The following PRKCA variants were observed in gnomAD, a reference collection of about 807,000 sequenced individuals.
PRKCA encodes the protein protein kinase C alpha.
PRKCA carries 27 observed loss-of-function variants against 87.0 expected under a neutral mutation model. The ratio of observed to expected loss-of-function variants is 0.31; its 90% CI spans 0.23 to 0.43. The LOEUF (loss-of-function observed/expected upper bound fraction) is 0.43, where lower values mean the gene tolerates loss of function less well. Ranked by LOEUF, PRKCA falls within the 20% of genes least tolerant of loss-of-function variation. The probability of loss-of-function intolerance (pLI) is 1.00; values close to 1 mark genes in which losing one functional copy is unlikely to be tolerated. For synonymous variants in PRKCA, 329 were observed against 311.1 expected, an observed-to-expected ratio of 1.06 and a Z score of -0.61; for missense variants, 518 against 852.3, an observed-to-expected ratio of 0.61 and a Z score of 4.88.
chr17:66,608,250 C>T (rs1970265274), intron 3 of PRKCA, among the ~76,000 whole-genome samples: 1 of 152,060 alleles, frequency 6.6e-6, no homozygotes, highest in Non-Finnish European at 1.5e-5. Context: ...TCCCACTTAC[C>T]TAATCATCAC....
chr17:66,639,108 C>T (rs1971222558), intron 3 of PRKCA, among the ~76,000 whole-genome samples: 1 of 152,230 alleles, frequency 6.6e-6, no homozygotes, highest in Admixed American at 6.5e-5. Context: ...TCCCCAAACC[C>T]TGATCTTCTA....
At chr17:66,738,423 C>T (rs1598908284) in intron 10 of PRKCA, among the ~76,000 whole-genome samples, 2 of 152,262 alleles carry the variant, frequency 1.3e-5, no homozygotes, top group South Asian at 4.1e-4. Context: ...ATGTGGATTC[C>T]TCACACCATC....
At chr17:66,423,323 C>G (rs1912597556) in intron 2 of PRKCA, among the ~76,000 whole-genome samples, 1 of 152,070 alleles carries the variant, frequency 6.6e-6, no homozygotes, top group African/African-American at 2.4e-5. Context: ...TTTTATGCAC[C>G]ATAGTGAAAA....
intron 3 of PRKCA, among the ~76,000 whole-genome samples, chr17:66,562,091 ATATATATAATTAAAT>A (rs1797837819): frequency 9.9e-6 from 1 of 101,300 alleles, no homozygotes; most frequent in Admixed American, 9.9e-5. Context: ...ATATAATTAA[ATATATATAATTAAAT>A]TATATATATA....
chr17:66,510,724 T>G (rs1206958260), intron 3 of PRKCA, among the ~76,000 whole-genome samples: 2 of 152,116 alleles, frequency 1.3e-5, no homozygotes, highest in East Asian at 3.8e-4. Flanking sequence ...GAGATTGCTG[T>G]AGGAAAGTAT....
chr17:66,635,038 A>G (rs572286567), intron 3 of PRKCA, among the ~76,000 whole-genome samples: 4 of 152,318 alleles, frequency 2.6e-5, no homozygotes, highest in African/African-American at 7.2e-5. Flanking sequence ...TGACATCTGG[A>G]GAGACTTCCT....
intron 2 of PRKCA, among the ~76,000 whole-genome samples, chr17:66,474,617 T>C (rs1031520018): frequency 6.6e-6 from 1 of 152,226 alleles, no homozygotes; most frequent in African/African-American, 2.4e-5. Flanking sequence ...GCTGCAGATA[T>C]TGCACTTGCC....
intron 2 of PRKCA, among the ~76,000 whole-genome samples, chr17:66,311,143 T>G (rs1414300842): frequency 6.6e-6 from 1 of 152,184 alleles, no homozygotes; most frequent in Non-Finnish European, 1.5e-5. Flanking sequence ...TTATGTTAAT[T>G]AGAGATAAAC....
rs1385010854 is a variant in PRKCA at position 66,808,961 on chromosome 17, G to T, written c.*4924G>T. ...CCTGACCTCATGATCTGCCTGCCTCGGCCTCCCAAAGTGCTGGGATTACAG... is the reference window on the plus strand; with the variant it reads ...CCTGACCTCATGATCTGCCTGCCTCTGCCTCCCAAAGTGCTGGGATTACAG... On this transcript the variant is annotated 3_prime_UTR_variant, in exon 17 of 17. Coordinates refer to ENST00000413366, the MANE Select transcript of PRKCA (RefSeq NM_002737.3). The T allele has an allele frequency of 6.6e-6, 1 of 152,108 alleles. No individual in the cohort carries two copies. The highest frequency in any genetic ancestry group is 1.9e-4 in the East Asian group (1 of 5,186). 9.4% of individuals were successfully genotyped at this position (152,108 alleles called of 1,614,324 possible). A position where few individuals can be genotyped will look rare whatever the true frequency, so the allele number is the denominator to read the frequency against.
chr17:66,509,094 G>C (rs1269968404), intron 3 of PRKCA, among the ~76,000 whole-genome samples: 2 of 152,086 alleles, frequency 1.3e-5, no homozygotes, highest in Non-Finnish European at 2.9e-5. Context: ...GTGTTTCCCA[G>C]TGTTTCATTG....
In PRKCA at chr17:66,362,942, C is replaced by T. The variant is rs112204622; in HGVS notation, c.205+56815C>T. 2.8e-3 allele frequency among the ~76,000 whole-genome samples: 421 copies of T among 152,302 alleles called. 3 individuals are homozygous for T. Among genetic ancestry groups the T allele is most frequent in the African/African-American group, 9.6e-3 (397 of 41,566 alleles). The stretch of plus-strand genomic sequence containing the variant: ...CTCCTGGCCTCAGGGGATCCACCCG[C>T]CTCAGCCTCCCGAAGTGTTGAGATT... On this transcript the variant is annotated intron_variant, in intron 2 of 16. Coordinates refer to ENST00000413366, the MANE Select transcript of PRKCA (RefSeq NM_002737.3).
At chr17:66,720,193 G>T (rs758120544) in intron 8 of PRKCA, among the ~76,000 whole-genome samples, 1 of 152,234 alleles carries the variant, frequency 6.6e-6, no homozygotes, top group Non-Finnish European at 1.5e-5. Flanking sequence ...GAGCCTCGGG[G>T]CTAAAGCATC....
intron 3 of PRKCA, among the ~76,000 whole-genome samples, chr17:66,512,671 A>G (rs1490671846): frequency 6.6e-6 from 1 of 152,090 alleles, no homozygotes; most frequent in Non-Finnish European, 1.5e-5. Context: ...CCGCTGAAAT[A>G]CTGCCTCCTT....
chr17:66,803,530 A>G lies in PRKCA; in HGVS notation c.1855-343A>G, dbSNP rs1279489161. Among the ~76,000 whole-genome samples, 1 of 152,134 alleles carries G rather than the reference A, an allele frequency of 6.6e-6. No individual in the cohort carries two copies. Among genetic ancestry groups the G allele is most frequent in the African/African-American group, 2.4e-5 (1 of 41,438 alleles). On this transcript the variant is annotated intron_variant, in intron 16 of 16. Transcript: ENST00000413366. This position sits in a 1 kb window ranked among gnomAD's most constrained non-coding sequence, Gnocchi z 4.4. Reference sequence around the variant, plus strand: ...GCCTTTCAACACGGAGCTGTGACTGACGGCCCTGCGTGCGTGGCTTCCGTG... The same window carrying G: ...GCCTTTCAACACGGAGCTGTGACTGGCGGCCCTGCGTGCGTGGCTTCCGTG...
chr17:66,423,118 A>T (rs1168521598), intron 2 of PRKCA, among the ~76,000 whole-genome samples: 1 of 152,118 alleles, frequency 6.6e-6, no homozygotes, highest in East Asian at 1.9e-4. Flanking sequence ...TCTCAAAAAA[A>T]AAAAGTATTA....
chr17:66,775,591 C>T, intron 14 of PRKCA: 3 of 985,402 alleles, frequency 3.0e-6, no homozygotes, highest in Non-Finnish European at 3.6e-6. Flanking sequence ...CATGCTAGTG[C>T]CAAGACCTGT....
intron 8 of PRKCA, among the ~76,000 whole-genome samples, chr17:66,713,318 G>A (rs1176265376): frequency 6.6e-6 from 1 of 151,946 alleles, no homozygotes; most frequent in Non-Finnish European, 1.5e-5. Flanking sequence ...CCAAAGTACT[G>A]GGATTACAGT....
chr17:66,716,153 G>GT (rs546895949), intron 8 of PRKCA, among the ~76,000 whole-genome samples: 8,460 of 145,660 alleles, frequency 0.058, 265 homozygotes, highest in Non-Finnish European at 0.072. Flanking sequence ...ATCTCCCCGG[G>GT]TTTTTTTTTT....
At chr17:66,423,750 T>G in intron 2 of PRKCA, among the ~76,000 whole-genome samples, 1 of 152,302 alleles carries the variant, frequency 6.6e-6, no homozygotes, top group South Asian at 2.1e-4. Context: ...AAAGCACACT[T>G]ATAGTTCTAG....
Sources: gnomAD v4.1 joint callset for allele counts (sites outside exome capture counted in the v4.1 genomes callset) on GRCh38, gnomAD v4.1.1 for gene constraint, Gnocchi (gnomAD v3.1) non-coding constraint, MANE v1.5 for transcripts, NCBI Gene and HGNC (gene_info 2026-07-23, HGNC 2026-07-21) for gene names.